YAF2: variants seen among roughly 807,000 people sequenced by gnomAD.
YAF2 encodes the protein YY1-associated factor 2.
YAF2 carries 7 observed loss-of-function variants against 20.1 expected under a neutral mutation model. The ratio of observed to expected loss-of-function variants is 0.35; its 90% CI spans 0.20 to 0.65. The LOEUF is 0.65. YAF2 is among the 30% of genes least tolerant of loss of function. The pLI is 0.69. For synonymous variants in YAF2, 74 were observed against 76.0 expected (o/e 0.97, Z 0.14); for missense variants, 151 against 219.2 (o/e 0.69, Z 1.96).
chr12:42,179,315 C>A (rs572150135), intron 2 of YAF2, among the ~76,000 whole-genome samples: 2 of 152,072 alleles, frequency 1.3e-5, no homozygotes, highest in Non-Finnish European at 2.9e-5. Flanking sequence ...ACTAAAAATA[C>A]AAAAATTAGC....
At chr12:42,161,237 T>A in intron 3 of YAF2, 1 of 256,934 alleles carries the variant, frequency 3.9e-6, no homozygotes, top group Non-Finnish European at 7.4e-6. Context: ...AAGGGTATCA[T>A]GATTGTTATG....
chr12:42,169,374 T>A (rs1293614572), intron 2 of YAF2, among the ~76,000 whole-genome samples: 1 of 152,182 alleles, frequency 6.6e-6, no homozygotes, highest in African/African-American at 2.4e-5. Flanking sequence ...CCTTTAATGT[T>A]GAGGTTACTT....
At chr12:42,234,417 C>T (rs2068080785) in intron 2 of YAF2, 1 of 984,524 alleles carries the variant, frequency 1.0e-6, no homozygotes, top group African/African-American at 1.7e-5. Flanking sequence ...ATAACGTTCA[C>T]CATTTGGGTA....
intron 2 of YAF2, chr12:42,210,641 A>G: frequency 1.3e-6 from 2 of 1,536,008 alleles, no homozygotes; most frequent in Non-Finnish European, 1.7e-6. Context: ...ACCCAATAGG[A>G]GAACTCCAGT....
rs143879521 is a variant in YAF2 at position 42,235,009 on chromosome 12, G to A, written c.152+2590C>T. On this transcript the variant is annotated intron_variant, in intron 2 of 3. Transcript: ENST00000534854. ...TCTCAAAAAAGAAAAAAGAAAAAAAGAAGACTTCAAAGGTAGAACAAGGAC... is the reference window on the plus strand; with the variant it reads ...TCTCAAAAAAGAAAAAAGAAAAAAAAAAGACTTCAAAGGTAGAACAAGGAC... 5.0e-5 allele frequency: 49 copies of A among 985,358 alleles called. No homozygotes were observed. The African/African-American group carries it at 8.5e-4, about 17-fold the overall frequency. The allele number at this position is 985,358 out of a possible 1,614,324, so 61.0% of individuals were successfully genotyped here.
chr12:42,235,469 C>A (rs1435188163), intron 2 of YAF2: 7 of 1,213,822 alleles, frequency 5.8e-6, no homozygotes, highest in Non-Finnish European at 7.3e-6. Flanking sequence ...ACAGATTCTA[C>A]CCTGAATTTC....
intron 2 of YAF2, among the ~76,000 whole-genome samples, chr12:42,212,145 GTACA>G (rs2067231121): frequency 6.6e-6 from 1 of 151,516 alleles, no homozygotes; most frequent in African/African-American, 2.4e-5. Flanking sequence ...TTAAATACTT[GTACA>G]AAAGAAATAC....
Position 42,160,651 on chromosome 12 carries a change from C to T in YAF2, c.481G>A (p.Gly161Arg), listed in dbSNP as rs764783779. 1.9e-6 allele frequency: 3 copies of T among 1,613,740 alleles called. No homozygotes were observed. In the South Asian group the frequency reaches 3.3e-5, roughly 18 times the overall value. ...SGSSSDNTERGMSRSSSPRGE... is the reference protein window; with the variant it reads ...SGSSSDNTERRMSRSSSPRGE... ...CTGGGTGAAGATGACCTGGACATTCCTCTCTCTGTGTTATCAGAGCTAGAG... is the reference window on the plus strand; with the variant it reads ...CTGGGTGAAGATGACCTGGACATTCTTCTCTCTGTGTTATCAGAGCTAGAG... Residue 161 changes from glycine (G) to arginine (R), a missense_variant, in exon 4 of 4, where the codon GGA becomes AGA. Coordinates refer to ENST00000534854, the MANE Select transcript of YAF2 (RefSeq NM_005748.6).
intron 2 of YAF2, among the ~76,000 whole-genome samples, chr12:42,219,004 C>T (rs2067440601): frequency 6.6e-6 from 1 of 152,162 alleles, no homozygotes. Flanking sequence ...AATCCAGTCA[C>T]AATTAACCTA....
chr12:42,223,591 G>T (rs2067588646), intron 2 of YAF2, among the ~76,000 whole-genome samples: 1 of 151,934 alleles, frequency 6.6e-6, no homozygotes, highest in South Asian at 2.1e-4. Context: ...TGAACCCTAG[G>T]CTCAAGCAAT....
At chr12:42,237,190 T>C (rs377751701) in intron 2 of YAF2, among the ~76,000 whole-genome samples, 2 of 152,342 alleles carry the variant, frequency 1.3e-5, no homozygotes, top group East Asian at 3.9e-4. Context: ...GATACTTTTC[T>C]TTCTTTAGGA....
intron 2 of YAF2, among the ~76,000 whole-genome samples, chr12:42,171,121 T>C (rs1565601715): frequency 6.6e-6 from 1 of 152,104 alleles, no homozygotes; most frequent in Non-Finnish European, 1.5e-5. Context: ...GCCTCCCAAG[T>C]AGCTGGGATT....
At chr12:42,207,437 T>C (rs1287136095) in intron 2 of YAF2, among the ~76,000 whole-genome samples, 2 of 151,530 alleles carry the variant, frequency 1.3e-5, no homozygotes, top group East Asian at 1.9e-4. Flanking sequence ...CTCAAAACTA[T>C]ATACTCTTTT....
At chr12:42,235,730 A>C in intron 2 of YAF2, 1 of 1,534,678 alleles carries the variant, frequency 6.5e-7, no homozygotes, top group Non-Finnish European at 8.7e-7. Context: ...ACCACTAAAA[A>C]TTGGATCTAC....
chr12:42,236,101 C>T (rs1353516501), intron 2 of YAF2: 5 of 1,413,886 alleles, frequency 3.5e-6, no homozygotes, highest in Non-Finnish European at 4.7e-6. Context: ...TACCAGAGAT[C>T]AAGATTATAA....
intron 2 of YAF2, among the ~76,000 whole-genome samples, chr12:42,181,155 T>G (rs1319349695): frequency 6.6e-6 from 1 of 152,202 alleles, no homozygotes; most frequent in East Asian, 1.9e-4. Context: ...GGACAAGCTG[T>G]CCTTTGTTTG....
intron 2 of YAF2, among the ~76,000 whole-genome samples, chr12:42,176,030 T>C (rs924103161): frequency 2.6e-4 from 39 of 151,954 alleles, no homozygotes; most frequent in Non-Finnish European, 5.9e-5. Context: ...GTGGATCACT[T>C]GAGGTCAGCA....
chr12:42,201,504 C>A (rs901149302), intron 2 of YAF2, among the ~76,000 whole-genome samples: 2 of 152,094 alleles, frequency 1.3e-5, no homozygotes, highest in African/African-American at 4.8e-5. Context: ...GGACACAAAT[C>A]CACCGAATAT....
At position 42,160,582 on chromosome 12, in the gene YAF2, ATAAACT is replaced by A. The variant is rs765805791; in HGVS notation, c.*1_*6del. ...AGAAGTGACTAAGAAATTGGAGAAA[ATAAACT>A]TTAATGAGATTCTCCATTCAATGAT... On this transcript the variant is annotated 3_prime_UTR_variant, in exon 4 of 4. Transcript: ENST00000534854. The A allele has an allele frequency of 5.0e-6, 8 of 1,606,706 alleles. No homozygotes were observed. The highest frequency in any genetic ancestry group is 6.0e-6 in the Non-Finnish European group (7 of 1,174,472).
Sources: allele counts gnomAD v4.1 joint callset (sites outside exome capture counted in the v4.1 genomes callset), GRCh38; gene constraint gnomAD v4.1.1; transcripts MANE v1.5; gene names NCBI Gene and HGNC (gene_info 2026-07-23, HGNC 2026-07-21).